KANSL3: variants seen among roughly 807,000 people sequenced by gnomAD.
KANSL3 encodes NSL complex protein NSL3.
Under a neutral mutation model 89.2 loss-of-function variants are expected in KANSL3, and 16 were observed. That is an observed-to-expected ratio of 0.18 (90% CI 0.12 to 0.27). KANSL3 has a LOEUF of 0.27. Ranked by LOEUF, KANSL3 falls within the 10% of genes least tolerant of loss-of-function variation. The pLI, the probability that KANSL3 is intolerant of heterozygous loss-of-function variation, is 1.00. For missense variants in KANSL3, 879 were observed against 1,110.6 expected, an observed-to-expected ratio of 0.79 and a Z score of 2.96; for synonymous variants, 385 against 419.7, an observed-to-expected ratio of 0.92 and a Z score of 1.01.
chr2:96,586,303 T>C, the KANSL3 span, among the ~76,000 whole-genome samples: 2 of 152,054 alleles, frequency 1.3e-5, no homozygotes, highest in East Asian at 1.9e-4. Context: ...ACTACACATT[T>C]GGTGCAGTGT....
intron 5 of KANSL3, among the ~76,000 whole-genome samples, chr2:96,616,979 C>T (rs781776830): frequency 3.3e-5 from 5 of 152,136 alleles, no homozygotes; most frequent in Non-Finnish European, 5.9e-5. Flanking sequence ...GAACTGAGAC[C>T]CTGGCCACTA....
At chr2:96,581,659 G>GT in the KANSL3 span, among the ~76,000 whole-genome samples, 2 of 152,054 alleles carry the variant, frequency 1.3e-5, no homozygotes, top group Admixed American at 1.3e-4. Context: ...GGCTTTTAAG[G>GT]TAACAACAAA....
chr2:96,636,964 G>A lies in KANSL3; in HGVS notation c.172C>T (p.Arg58Cys), dbSNP rs1379642878. The change falls in exon 2 of 21, where the codon CGC (arginine) becomes TGC (cysteine). Residue 58 changes from arginine to cysteine, a missense_variant. By Grantham distance (180) the Arg-to-Cys change is radical (BLOSUM62 -3). Around this residue, in one of 6 missense-constraint regions of KANSL3, gnomAD observed 210 missense variants for 311.9 expected, o/e 0.67. Transcript: ENST00000431828. Reference protein sequence around the residue: ...HPDASSARPTRMLFVTPRRQH... With the variant: ...HPDASSARPTCMLFVTPRRQH... ...CGCCGGGGAGTGACAAAGAGCATGC[G>A]GGTGGGGCGGGCACTACTGGCATCT... is the stretch of plus-strand genomic sequence containing the variant. 4 of 1,549,274 alleles carry A rather than the reference G, an allele frequency of 2.6e-6. No homozygotes were observed. The highest frequency in any genetic ancestry group is 2.6e-6 in the Non-Finnish European group (3 of 1,145,802).
chr2:96,585,507 T>G, the KANSL3 span, among the ~76,000 whole-genome samples: 1 of 152,234 alleles, frequency 6.6e-6, no homozygotes, highest in African/African-American at 2.4e-5. Context: ...ACTTTTACAC[T>G]GCTGGTGGGA....
At chr2:96,604,157 G>A (rs537775587) in intron 17 of KANSL3, 93 bp downstream of exon 17, 17 of 1,421,584 alleles carry the variant, frequency 1.2e-5, no homozygotes. Flanking sequence ...CCATCCTATG[G>A]ATTTAGCTCC....
chr2:96,584,523 G>C, the KANSL3 span, among the ~76,000 whole-genome samples: 1 of 152,106 alleles, frequency 6.6e-6, no homozygotes, highest in Non-Finnish European at 1.5e-5. Flanking sequence ...GTTAATTATA[G>C]TCAGCCTATA....
rs1277154732 is a variant in KANSL3 at position 96,595,516 on chromosome 2, C to T, written c.*95G>A. The T allele has an allele frequency of 6.5e-6, 9 of 1,376,462 alleles. No individual in the cohort carries two copies. Among genetic ancestry groups the T allele is most frequent in the Middle Eastern group, 3.7e-4 (2 of 5,404 alleles). The allele number at this position is 1,376,462 out of a possible 1,614,324, so 85.3% of individuals were successfully genotyped here. ...TGACTGTCTTAAACAGGTCTTCCGA[C>T]ACGTGGACAGCTCAGCAGGACCACA... On this transcript the variant is annotated 3_prime_UTR_variant, in exon 21 of 21. Transcript: ENST00000431828.
intron 1 of KANSL3, 27 bp from the exon 2 acceptor site, chr2:96,637,212 C>CTTTTT: frequency 1.2e-6 from 1 of 867,910 alleles, no homozygotes; most frequent in Non-Finnish European, 1.8e-6. Flanking sequence ...CAGTTTAGGT[C>CTTTTT]AATTCCAATA....
downstream of KANSL3, among the ~76,000 whole-genome samples, chr2:96,590,440 G>A (rs1213891205): frequency 2.6e-5 from 4 of 151,906 alleles, no homozygotes; most frequent in East Asian, 2.0e-4. Flanking sequence ...CTACAGGTGC[G>A]CGGCATGACA....
At chr2:96,624,910 T>C (rs183247547) in intron 3 of KANSL3, among the ~76,000 whole-genome samples, 12 of 152,206 alleles carry the variant, frequency 7.9e-5, no homozygotes, top group Admixed American at 6.5e-5. Flanking sequence ...ATCTGTGTTA[T>C]AATCTCTGGA....
downstream of KANSL3, among the ~76,000 whole-genome samples, chr2:96,591,940 A>G (rs534167974): frequency 3.3e-5 from 5 of 152,220 alleles, no homozygotes; most frequent in Non-Finnish European, 7.3e-5. Context: ...GGTGGTGAAT[A>G]GGTTTCTCCT....
the KANSL3 span, among the ~76,000 whole-genome samples, chr2:96,587,586 G>A: frequency 6.6e-6 from 1 of 152,204 alleles, no homozygotes; most frequent in African/African-American, 2.4e-5. Context: ...GAGTTTCATA[G>A]ATAACACTCA....
At chr2:96,600,793 T>G (rs2067065365) in intron 20 of KANSL3, 1 of 985,314 alleles carries the variant, frequency 1.0e-6, no homozygotes, top group African/African-American at 1.7e-5. Context: ...CATGACTTCC[T>G]GGGTGAGACC....
chr2:96,614,076 T>C (rs918956911), intron 5 of KANSL3, among the ~76,000 whole-genome samples: 9 of 152,200 alleles, frequency 5.9e-5, no homozygotes, highest in African/African-American at 2.2e-4. Context: ...TTAAAGATTA[T>C]TTTCGAATAT....
chr2:96,619,789 A>G, intron 3 of KANSL3, 27 bp from the exon 4 acceptor site: 1 of 1,529,328 alleles, frequency 6.5e-7, no homozygotes. Flanking sequence ...GAGGAATTAT[A>G]GTCAAACCCT....
intron 5 of KANSL3, chr2:96,615,617 G>A: frequency 1.4e-6 from 1 of 719,664 alleles, no homozygotes; most frequent in Non-Finnish European, 2.1e-6. Flanking sequence ...AAAAATTGGA[G>A]AATAAAAAGT....
intron 5 of KANSL3, among the ~76,000 whole-genome samples, chr2:96,618,915 T>C (rs1350231249): frequency 6.6e-6 from 1 of 152,252 alleles, no homozygotes; most frequent in African/African-American, 2.4e-5. Context: ...AGTCTAAGTG[T>C]TGCTACTAAA....
At chr2:96,580,746 T>C in the KANSL3 span, among the ~76,000 whole-genome samples, 1 of 152,352 alleles carries the variant, frequency 6.6e-6, no homozygotes, top group African/African-American at 2.4e-5. Context: ...ATGTGTGGAA[T>C]CCCTGCAAAA....
intron 20 of KANSL3, chr2:96,600,683 T>G: frequency 1.0e-6 from 1 of 985,470 alleles, no homozygotes; most frequent in Non-Finnish European, 1.2e-6. Flanking sequence ...TTGGCTTAAC[T>G]TCTAATCTTT....
Sources: allele counts gnomAD v4.1 joint callset (sites outside exome capture counted in the v4.1 genomes callset), GRCh38; gene constraint gnomAD v4.1.1; regional missense constraint gnomAD v4.1.1; transcripts MANE v1.5; gene names NCBI Gene and HGNC (gene_info 2026-07-23, HGNC 2026-07-21).